VPS13B: variants seen among roughly 807,000 people sequenced by gnomAD.
VPS13B encodes the protein intermembrane lipid transfer protein VPS13B.
A neutral mutation model predicts 426.4 loss-of-function variants in VPS13B; 285 were observed. The ratio of observed to expected loss-of-function variants is 0.67; its 90% CI spans 0.61 to 0.74. VPS13B has a LOEUF of 0.74. Among genes scored for constraint, VPS13B ranks in the 30% least tolerant of loss-of-function variants. The probability of loss-of-function intolerance (pLI) is 0.00; values close to 1 mark genes in which losing one functional copy is unlikely to be tolerated. For synonymous variants in VPS13B, 1,676 were observed against 1,676.4 expected, an observed-to-expected ratio of 1.00 and a Z score of 0.01; for missense variants, 4,537 against 4,782.6, an observed-to-expected ratio of 0.95 and a Z score of 1.51.
chr8:99,725,102 G>A (rs1008857422), intron 39 of VPS13B, among the ~76,000 whole-genome samples: 1 of 152,198 alleles, frequency 6.6e-6, no homozygotes, highest in African/African-American at 2.4e-5. Context: ...TAGATGCCAT[G>A]TTCAAACATG....
chr8:99,759,595 G>A (rs1393434825), intron 39 of VPS13B, among the ~76,000 whole-genome samples: 3 of 152,106 alleles, frequency 2.0e-5, no homozygotes, highest in African/African-American at 7.2e-5. Flanking sequence ...CTCCAGAATT[G>A]CCAACCCCTT....
At chr8:99,278,685 A>C (rs1819017615) in intron 19 of VPS13B, among the ~76,000 whole-genome samples, 1 of 152,160 alleles carries the variant, frequency 6.6e-6, no homozygotes, top group Non-Finnish European at 1.5e-5. Flanking sequence ...CTCACTAAAC[A>C]CTGTATCCTT....
rs200306106 is a variant in VPS13B at position 99,769,492 on chromosome 8, A to G, written c.7247+2522A>G. 4.6e-5 allele frequency among the ~76,000 whole-genome samples: 7 copies of G among 152,342 alleles called. No homozygotes were observed. In the East Asian group the frequency reaches 1.3e-3, roughly 29 times the overall value. Reference sequence around the variant, plus strand: ...ATGATTAGAGATTGTCTTATAAAGGATAGTCTCAGTGGTTTGAGAAGGATT... The same window carrying G: ...ATGATTAGAGATTGTCTTATAAAGGGTAGTCTCAGTGGTTTGAGAAGGATT... On this transcript the variant is annotated intron_variant, in intron 40 of 61. Transcript: ENST00000357162.
At chr8:99,553,659 G>T (rs1234318290) in intron 30 of VPS13B, among the ~76,000 whole-genome samples, 1 of 152,042 alleles carries the variant, frequency 6.6e-6, no homozygotes, top group Non-Finnish European at 1.5e-5. Context: ...TCATTGGAAA[G>T]TCTGAGACTA....
chr8:99,766,930 AT>A lies in VPS13B; in HGVS notation c.7209del (p.Ile2403MetfsTer3). 1 of 1,613,992 alleles carries A rather than the reference AT, an allele frequency of 6.2e-7. No homozygotes were observed. Among genetic ancestry groups the A allele is most frequent in the Non-Finnish European group, 8.5e-7 (1 of 1,179,946 alleles). ...ATTAGTATCTTCAGATCTTTGGAGA[AT>A]TGTCTTGAACAGCAGTCAAAATGGA... ...KKLVSSDLWR[I>X]VLNSSQNGAD... On this transcript the variant is annotated frameshift_variant, in exon 40 of 62. Coordinates refer to ENST00000357162, the MANE Select transcript of VPS13B (RefSeq NM_152564.5). LOFTEE classifies it high-confidence loss of function.
chr8:99,292,674 C>A (rs1158496857), intron 19 of VPS13B, among the ~76,000 whole-genome samples: 1 of 152,022 alleles, frequency 6.6e-6, no homozygotes, highest in East Asian at 1.9e-4. Context: ...ATTGGGATCA[C>A]TAAAAATAGC....
intron 35 of VPS13B, among the ~76,000 whole-genome samples, chr8:99,671,712 C>T (rs1020539464): frequency 5.9e-5 from 9 of 151,950 alleles, no homozygotes; most frequent in African/African-American, 1.2e-4. Context: ...GGCTGGAGTG[C>T]GGTGGTGTGA....
chr8:99,808,784 A>G (rs1813540622), intron 43 of VPS13B, among the ~76,000 whole-genome samples: 2 of 148,314 alleles, frequency 1.3e-5, no homozygotes, highest in Admixed American at 6.7e-5. Flanking sequence ...AAATGTTACA[A>G]TAAGTACATA....
At chr8:99,147,411 A>G (rs1388219615) in intron 13 of VPS13B, among the ~76,000 whole-genome samples, 1 of 152,092 alleles carries the variant, frequency 6.6e-6, no homozygotes, top group African/African-American at 2.4e-5. Context: ...TTTCTTAACA[A>G]TTTTTAGGAG....
At chr8:99,265,466 G>A (rs1286478450) in intron 17 of VPS13B, among the ~76,000 whole-genome samples, 3 of 150,600 alleles carry the variant, frequency 2.0e-5, no homozygotes, top group African/African-American at 4.9e-5. Flanking sequence ...TCATTATCCA[G>A]TATGTGTATG....
intron 17 of VPS13B, among the ~76,000 whole-genome samples, chr8:99,195,137 T>C (rs559091164): frequency 1.4e-4 from 21 of 152,214 alleles, no homozygotes; most frequent in Non-Finnish European, 2.8e-4. Context: ...GAAGGTTGTA[T>C]TAATTTTCAT....
At chr8:99,228,640 A>T (rs879058083) in intron 17 of VPS13B, among the ~76,000 whole-genome samples, 1 of 151,686 alleles carries the variant, frequency 6.6e-6, no homozygotes, top group Non-Finnish European at 1.5e-5. Flanking sequence ...TTTTTTTTTT[A>T]AACTCACTTT....
intron 24 of VPS13B, among the ~76,000 whole-genome samples, chr8:99,470,887 A>T (rs934128118): frequency 7.0e-4 from 106 of 152,240 alleles, no homozygotes; most frequent in African/African-American, 2.5e-3. Flanking sequence ...TAAATTTTTT[A>T]AAATTTTGAC....
chr8:99,096,027 G>A (rs1846396372), intron 3 of VPS13B, among the ~76,000 whole-genome samples: 2 of 152,070 alleles, frequency 1.3e-5, no homozygotes. Context: ...TCTTTTGCTA[G>A]AGCCATAAAT....
chr8:99,425,960 T>C (rs962484953), intron 21 of VPS13B, among the ~76,000 whole-genome samples: 1 of 152,020 alleles, frequency 6.6e-6, no homozygotes, highest in African/African-American at 2.4e-5. Context: ...GTGCACATTG[T>C]GCAGGTTAGT....
chr8:99,535,523 A>G (rs897728514), intron 30 of VPS13B, among the ~76,000 whole-genome samples: 21 of 152,356 alleles, frequency 1.4e-4, no homozygotes, highest in African/African-American at 4.8e-4. Flanking sequence ...AGCATTCTAC[A>G]TTGAGAAAGG....
chr8:99,844,559 G>C (rs1405886840), intron 54 of VPS13B, among the ~76,000 whole-genome samples: 1 of 151,978 alleles, frequency 6.6e-6, no homozygotes, highest in African/African-American at 2.4e-5. Flanking sequence ...GGAGAGATGA[G>C]GTTTTACCAT....
intron 33 of VPS13B, among the ~76,000 whole-genome samples, chr8:99,633,637 T>C (rs1214728306): frequency 6.6e-6 from 1 of 152,058 alleles, no homozygotes; most frequent in Admixed American, 6.6e-5. Context: ...GGTTTCCACA[T>C]TGACATCAGT....
intron 23 of VPS13B, among the ~76,000 whole-genome samples, chr8:99,455,060 T>A (rs1167136948): frequency 6.6e-6 from 1 of 152,198 alleles, no homozygotes. Context: ...GTTTTGCTTT[T>A]CTTTTTGTTC....
Sources: allele counts gnomAD v4.1 joint callset (sites outside exome capture counted in the v4.1 genomes callset), GRCh38; gene constraint gnomAD v4.1.1; transcripts MANE v1.5; gene names NCBI Gene and HGNC (gene_info 2026-07-23, HGNC 2026-07-21).